Variants in CYP2J2 observed in about 807,000 individuals in gnomAD.
CYP2J2 encodes cytochrome P450 family 2 subfamily J member 2.
CYP2J2 carries 41 observed loss-of-function variants against 48.8 expected under a neutral mutation model. The ratio of observed to expected loss-of-function variants is 0.84; its 90% CI spans 0.66 to 1.09. CYP2J2 has a LOEUF of 1.09. CYP2J2 is among the 50% of genes least tolerant of loss of function. The pLI is 0.00. For synonymous variants in CYP2J2, 221 were observed against 227.1 expected (o/e 0.97, Z 0.24); for missense variants, 644 against 617.3 (o/e 1.04, Z -0.46).
intron 1 of CYP2J2, among the ~76,000 whole-genome samples, chr1:59,917,289 C>A (rs1644474793): frequency 6.6e-6 from 1 of 152,132 alleles, no homozygotes. Context: ...TGGATGCATT[C>A]TTATGGTGGC....
chr1:59,949,097 G>A, the CYP2J2 span, among the ~76,000 whole-genome samples: 4 of 151,672 alleles, frequency 2.6e-5, no homozygotes, highest in African/African-American at 9.7e-5. Flanking sequence ...ATGGCATTCA[G>A]AAGTCTTTAC....
intron 1 of CYP2J2, among the ~76,000 whole-genome samples, chr1:59,919,477 A>T (rs1297673668): frequency 1.3e-5 from 2 of 152,266 alleles, no homozygotes; most frequent in Non-Finnish European, 2.9e-5. Context: ...GGATAGGCAC[A>T]AAGACAGGTA....
At chr1:59,919,148 CGA>C (rs144838675) in intron 1 of CYP2J2, among the ~76,000 whole-genome samples, 42 of 149,968 alleles carry the variant, frequency 2.8e-4, no homozygotes, top group African/African-American at 5.8e-4. Flanking sequence ...TGTGTGACAG[CGA>C]GAGAGAGAGA....
In CYP2J2 at chr1:59,915,967, G is replaced by A. The variant is rs1644461311; in HGVS notation, c.344C>T (p.Pro115Leu). 1.9e-6 allele frequency: 3 copies of A among 1,613,732 alleles called. No homozygotes were observed. In the South Asian group the frequency reaches 3.3e-5, roughly 18 times the overall value. Residue 115 changes from proline (P) to leucine (L), a missense_variant, in exon 2 of 9, where the codon CCT becomes CTT. By Grantham distance (98) the Pro-to-Leu change is moderately conservative. Coordinates refer to ENST00000371204, the MANE Select transcript of CYP2J2 (RefSeq NM_000775.4). ...DQNFGNRPVT[P>L]MREHIFKKNG... Reference sequence around the variant, plus strand: ...TTTCTTAAAGATATGTTCTCGCATAGGGGTCACGGGGCGGTTCCCAAAGTT... The same window carrying A: ...TTTCTTAAAGATATGTTCTCGCATAAGGGTCACGGGGCGGTTCCCAAAGTT...
rs552031954 is a variant in CYP2J2 at position 59,895,316 on chromosome 1, A to G, written c.1331-1487T>C. Among the ~76,000 whole-genome samples the G allele has an allele frequency of 9.5e-4, 144 of 152,210 alleles. 2 individuals are homozygous for G. Among genetic ancestry groups the G allele is most frequent in the Non-Finnish European group, 9.4e-4 (64 of 68,038 alleles). ...TTTCACGGCTTTGGCCTTTTTAAAGATTACAGACCAGTTGTTTTGTAAATG... is the reference window on the plus strand; with the variant it reads ...TTTCACGGCTTTGGCCTTTTTAAAGGTTACAGACCAGTTGTTTTGTAAATG... On this transcript the variant is annotated intron_variant, in intron 8 of 8. Coordinates refer to ENST00000371204, the MANE Select transcript of CYP2J2 (RefSeq NM_000775.4).
chr1:59,930,620 G>T (rs939828168), upstream of CYP2J2, among the ~76,000 whole-genome samples: 1 of 151,874 alleles, frequency 6.6e-6, no homozygotes, highest in Non-Finnish European at 1.5e-5. Context: ...TTAATTATGG[G>T]AGTTATTTAT....
At chr1:59,943,031 G>GA in the CYP2J2 span, among the ~76,000 whole-genome samples, 4 of 152,048 alleles carry the variant, frequency 2.6e-5, no homozygotes, top group East Asian at 5.8e-4. Context: ...GTTGATATGA[G>GA]AAAAAAATGA....
At chr1:59,967,539 C>T in the CYP2J2 span, among the ~76,000 whole-genome samples, 1 of 152,214 alleles carries the variant, frequency 6.6e-6, no homozygotes, top group Non-Finnish European at 1.5e-5. Flanking sequence ...CTGCACCTGC[C>T]TTGTTATCTG....
upstream of CYP2J2, chr1:59,926,908 A>C (rs949045093): frequency 2.3e-5 from 15 of 655,356 alleles, no homozygotes; most frequent in Middle Eastern, 4.1e-4. Flanking sequence ...GAGGACACGC[A>C]CCGGTCTCAG....
the CYP2J2 span, among the ~76,000 whole-genome samples, chr1:59,947,128 C>T: frequency 2.0e-5 from 3 of 152,186 alleles, no homozygotes; most frequent in Non-Finnish European, 4.4e-5. Flanking sequence ...TTTATTTCTC[C>T]ACTGTGCTAT....
At chr1:59,905,298 C>T (rs1457964513) in intron 6 of CYP2J2, among the ~76,000 whole-genome samples, 1 of 152,294 alleles carries the variant, frequency 6.6e-6, no homozygotes, top group East Asian at 1.9e-4. Flanking sequence ...AACTTCATTA[C>T]ATCAGACCCC....
intron 1 of CYP2J2, among the ~76,000 whole-genome samples, chr1:59,918,764 T>A (rs1467270909): frequency 6.9e-6 from 1 of 145,168 alleles, no homozygotes; most frequent in Non-Finnish European, 1.5e-5. Flanking sequence ...GAAATGAAAA[T>A]AGAAAAAGAA....
chr1:59,928,308 C>T (rs1005850227), upstream of CYP2J2, among the ~76,000 whole-genome samples: 2 of 152,076 alleles, frequency 1.3e-5, no homozygotes, highest in Non-Finnish European at 2.9e-5. Context: ...ATTTATAAAA[C>T]TAAAATAATT....
rs1644298493 is a variant in CYP2J2 at position 59,899,477 on chromosome 1, CCTTT to C, written c.1330+1484_1330+1487del. ...CCAACATGGGTCATTCCGTTTCTGC[CCTTT>C]CTGAGCCTCAGTGTCATTCTCAGCA... On this transcript the variant is annotated intron_variant, in intron 8 of 8. Transcript: ENST00000371204. Among the ~76,000 whole-genome samples, 3 of 152,250 alleles carry C rather than the reference CCTTT, an allele frequency of 2.0e-5. No homozygotes were observed. The South Asian group carries it at 6.2e-4, about 32-fold the overall frequency.
At chr1:59,931,719 A>G (rs1271008783), upstream of CYP2J2, among the ~76,000 whole-genome samples, 1 of 152,120 alleles carries the variant, frequency 6.6e-6, no homozygotes, top group Non-Finnish European at 1.5e-5. Flanking sequence ...CTGTTTATCC[A>G]AAAAAGTGAA....
chr1:59,930,864 A>G (rs1290778979), upstream of CYP2J2, among the ~76,000 whole-genome samples: 3 of 152,186 alleles, frequency 2.0e-5, no homozygotes, highest in Non-Finnish European at 4.4e-5. Context: ...CTAGGCAGTA[A>G]TTAGACACTA....
At chr1:59,910,558 A>T (rs11572267) in intron 4 of CYP2J2, among the ~76,000 whole-genome samples, 64 of 152,204 alleles carry the variant, frequency 4.2e-4, no homozygotes, top group African/African-American at 9.9e-4. Context: ...GGAAATTTTT[A>T]AAAATTTTGA....
intron 7 of CYP2J2, among the ~76,000 whole-genome samples, chr1:59,902,019 G>T (rs1284574223): frequency 6.6e-6 from 1 of 152,102 alleles, no homozygotes; most frequent in Non-Finnish European, 1.5e-5. Flanking sequence ...CTCCCCCTCT[G>T]CCTGCACTCC....
chr1:59,957,668 TCA>T, the CYP2J2 span, among the ~76,000 whole-genome samples: 4,503 of 149,692 alleles, frequency 0.03, 129 homozygotes, highest in African/African-American at 0.073. Flanking sequence ...TGAGAAATAT[TCA>T]CAGACACACA....
Sources: allele counts gnomAD v4.1 joint callset (sites outside exome capture counted in the v4.1 genomes callset), GRCh38; gene constraint gnomAD v4.1.1; transcripts MANE v1.5; gene names NCBI Gene and HGNC (gene_info 2026-07-23, HGNC 2026-07-21).